ADAMTSL1: variants seen among roughly 807,000 people sequenced by gnomAD.
ADAMTSL1 encodes the protein ADAMTS like 1, also known as ADAMTS-like protein 1.
ADAMTSL1 carries 126 observed loss-of-function variants against 201.8 expected under a neutral mutation model. That is an observed-to-expected ratio of 0.62 (90% CI 0.54 to 0.72). The LOEUF is 0.72. Ranked by LOEUF, ADAMTSL1 falls within the 30% of genes least tolerant of loss-of-function variation. ADAMTSL1 has a pLI of 0.00. For synonymous variants in ADAMTSL1, 1,121 were observed against 903.4 expected (o/e 1.24, Z -4.32); for missense variants, 2,679 against 2,277.8 (o/e 1.18, Z -3.59).
intron 3 of ADAMTSL1, among the ~76,000 whole-genome samples, chr9:18,556,593 A>G (rs1297063822): frequency 6.6e-6 from 1 of 151,978 alleles, no homozygotes; most frequent in Non-Finnish European, 1.5e-5. Context: ...TCAAAGGACA[A>G]TCTAAAAGCA....
At chr9:18,309,952 A>C (rs564095440) in intron 2 of ADAMTSL1, among the ~76,000 whole-genome samples, 1 of 152,196 alleles carries the variant, frequency 6.6e-6, no homozygotes, top group Admixed American at 6.5e-5. Flanking sequence ...ACAAGGCTAC[A>C]GTAACCAAAC....
chr9:18,821,135 A>G (rs1169893580), intron 21 of ADAMTSL1, among the ~76,000 whole-genome samples: 2 of 152,222 alleles, frequency 1.3e-5, no homozygotes, highest in Non-Finnish European at 1.5e-5. Context: ...AATCAGCAGG[A>G]CTAAGGATGC....
chr9:18,515,507 G>A (rs1818316042), intron 2 of ADAMTSL1, among the ~76,000 whole-genome samples: 1 of 152,052 alleles, frequency 6.6e-6, no homozygotes, highest in African/African-American at 2.4e-5. Flanking sequence ...GCTAATTTTT[G>A]TATTTTTTGT....
At position 18,782,126 on chromosome 9, in the gene ADAMTSL1, A is replaced by T. The variant is rs570489538; in HGVS notation, c.3677+4220A>T. On this transcript the variant is annotated intron_variant, in intron 19 of 28. Transcript: ENST00000380548. ...CAATCTCATGCCTACTCTAAGCCAGACTCTGTGTTAGATACTAGGGATGGA... is the reference window on the plus strand; with the variant it reads ...CAATCTCATGCCTACTCTAAGCCAGTCTCTGTGTTAGATACTAGGGATGGA... Among the ~76,000 whole-genome samples the T allele has an allele frequency of 3.3e-5, 5 of 152,090 alleles. No individual in the cohort carries two copies. The South Asian group carries it at 1.0e-3, about 32-fold the overall frequency.
At chr9:18,119,854 C>T (rs894379056) in intron 1 of ADAMTSL1, among the ~76,000 whole-genome samples, 2 of 152,024 alleles carry the variant, frequency 1.3e-5, no homozygotes, top group South Asian at 2.1e-4. Context: ...ATAAAACATC[C>T]GAATCTATTA....
intron 2 of ADAMTSL1, among the ~76,000 whole-genome samples, chr9:18,374,280 G>A (rs574783970): frequency 4.7e-4 from 72 of 151,798 alleles, no homozygotes; most frequent in Admixed American, 5.9e-4. Context: ...TTACCAATAG[G>A]GGACTATGCA....
intron 1 of ADAMTSL1, among the ~76,000 whole-genome samples, chr9:17,951,597 T>C (rs930999876): frequency 2.0e-5 from 3 of 151,950 alleles, no homozygotes; most frequent in African/African-American, 7.2e-5. Flanking sequence ...GTTTTCTTTT[T>C]CTTGTGTTTT....
chr9:18,790,237 G>A (rs956944480), intron 19 of ADAMTSL1, among the ~76,000 whole-genome samples: 2 of 152,128 alleles, frequency 1.3e-5, no homozygotes, highest in African/African-American at 4.8e-5. Context: ...ATTTATAGAA[G>A]AAACTTAAAG....
intron 2 of ADAMTSL1, among the ~76,000 whole-genome samples, chr9:18,247,760 G>A (rs897729330): frequency 6.6e-6 from 1 of 152,132 alleles, no homozygotes; most frequent in Non-Finnish European, 1.5e-5. Context: ...AGAGGGAGAG[G>A]CAGAAGAAGG....
intron 1 of ADAMTSL1, among the ~76,000 whole-genome samples, chr9:18,027,431 GA>G (rs1679356852): frequency 6.9e-6 from 1 of 144,466 alleles, no homozygotes; most frequent in Non-Finnish European, 1.5e-5. Flanking sequence ...TTATTTCAAA[GA>G]TTTTTTTTTT....
At chr9:18,791,920 C>T (rs1181549358) in intron 19 of ADAMTSL1, among the ~76,000 whole-genome samples, 1 of 152,118 alleles carries the variant, frequency 6.6e-6, no homozygotes, top group Non-Finnish European at 1.5e-5. Flanking sequence ...AATTCTTTTC[C>T]AGGCTTCAGA....
rs148906030 is a variant in ADAMTSL1 at position 18,439,976 on chromosome 9, A to G, written c.208-64853A>G. 2.7e-3 allele frequency among the ~76,000 whole-genome samples: 407 copies of G among 152,304 alleles called. 2 individuals are homozygous for G. Among genetic ancestry groups the G allele is most frequent in the African/African-American group, 9.4e-3 (390 of 41,540 alleles). On this transcript the variant is annotated intron_variant, in intron 2 of 29. Transcript: ENST00000680146. ...ACTTCACACCATCCAGTAACTTACTATGTGTATTCAATTTTAAATTTGTAC... is the reference window on the plus strand; with the variant it reads ...ACTTCACACCATCCAGTAACTTACTGTGTGTATTCAATTTTAAATTTGTAC...
At chr9:18,041,271 GT>G (rs1017610997) in intron 1 of ADAMTSL1, among the ~76,000 whole-genome samples, 2 of 152,132 alleles carry the variant, frequency 1.3e-5, no homozygotes, top group African/African-American at 4.8e-5. Flanking sequence ...ATTTATTTTA[GT>G]TTTTTTGTGT....
intron 2 of ADAMTSL1, among the ~76,000 whole-genome samples, chr9:18,437,920 G>T (rs1468121252): frequency 2.0e-5 from 3 of 152,044 alleles, no homozygotes; most frequent in Non-Finnish European, 4.4e-5. Context: ...TGATACACTC[G>T]CAGTGCCAAG....
intron 2 of ADAMTSL1, among the ~76,000 whole-genome samples, chr9:18,321,061 A>G (rs1235324407): frequency 2.0e-5 from 3 of 152,188 alleles, no homozygotes; most frequent in Admixed American, 6.5e-5. Flanking sequence ...CGTTGTTTAT[A>G]TGAAACACAC....
rs548545599 is a variant in ADAMTSL1, at chr9:18,901,363, C to T, written c.4852-4419C>T. On this transcript the variant is annotated intron_variant, in intron 26 of 28. Transcript: ENST00000380548. ...CAAGCCACCTGAACATATAAAGACT[C>T]TCCAATAAAGGTAAATAGACGGGCA... 3.9e-5 allele frequency among the ~76,000 whole-genome samples: 6 copies of T among 152,134 alleles called. No individual in the cohort carries two copies. The South Asian group carries it at 1.2e-3, about 32-fold the overall frequency.
intron 19 of ADAMTSL1, 93 bp downstream of exon 19, chr9:18,777,999 A>G: frequency 6.8e-7 from 1 of 1,477,198 alleles, no homozygotes; most frequent in Non-Finnish European, 9.0e-7. Context: ...AGGTGTTTCC[A>G]GGGGTAGGGC....
intron 8 of ADAMTSL1, among the ~76,000 whole-genome samples, chr9:18,658,460 A>G (rs1828859446): frequency 6.6e-6 from 1 of 152,248 alleles, no homozygotes; most frequent in Non-Finnish European, 1.5e-5. Flanking sequence ...TTACTTAATT[A>G]GAGAAAATAG....
chr9:18,181,148 A>G (rs1377660431), intron 2 of ADAMTSL1, among the ~76,000 whole-genome samples: 4 of 152,252 alleles, frequency 2.6e-5, no homozygotes. Context: ...AGATGGATTA[A>G]AGACTTAAAT....
Sources: allele counts gnomAD v4.1 joint callset (sites outside exome capture counted in the v4.1 genomes callset), GRCh38; gene constraint gnomAD v4.1.1; transcripts MANE v1.5; gene names NCBI Gene and HGNC (gene_info 2026-07-23, HGNC 2026-07-21).